Variants in ARHGAP39 observed in about 807,000 individuals in gnomAD.
ARHGAP39 encodes the protein Rho GTPase activating protein 39.
A neutral mutation model predicts 106.9 loss-of-function variants in ARHGAP39; 44 were observed. That is an observed-to-expected ratio of 0.41 (90% CI 0.32 to 0.53). The LOEUF is 0.53. Among genes scored for constraint, ARHGAP39 ranks in the 20% least tolerant of loss-of-function variants. The pLI is 0.21. For synonymous variants in ARHGAP39, 768 were observed against 693.2 expected, an observed-to-expected ratio of 1.11 and a Z score of -1.69; for missense variants, 1,496 against 1,577.3, an observed-to-expected ratio of 0.95 and a Z score of 0.87.
chr8:144,602,055 G>C, intron 2 of ARHGAP39, among the ~76,000 whole-genome samples: 1 of 144,596 alleles, frequency 6.9e-6, no homozygotes, highest in African/African-American at 2.6e-5. Flanking sequence ...GTGCGTGGAG[G>C]CATGCGTGCG....
chr8:144,696,118 A>G, the ARHGAP39 span, among the ~76,000 whole-genome samples: 1 of 152,104 alleles, frequency 6.6e-6, no homozygotes, highest in Admixed American at 6.6e-5. Flanking sequence ...GCTCTGCCGC[A>G]TGTCTTCATA....
At chr8:144,633,262 T>A (rs1437700141) in intron 1 of ARHGAP39, among the ~76,000 whole-genome samples, 1 of 152,008 alleles carries the variant, frequency 6.6e-6, no homozygotes, top group Non-Finnish European at 1.5e-5. Flanking sequence ...ATTGGGACCA[T>A]CCTGGCCAAC....
chr8:144,531,020 G>A, intron 10 of ARHGAP39, 149 bp from the exon 11 acceptor site: 2 of 1,097,114 alleles, frequency 1.8e-6, no homozygotes. Flanking sequence ...TGGCCAGGCT[G>A]GGCCCTGACC....
intron 6 of ARHGAP39, among the ~76,000 whole-genome samples, chr8:144,541,299 C>T (rs924278230): frequency 2.6e-5 from 4 of 152,216 alleles, no homozygotes; most frequent in African/African-American, 4.8e-5. Context: ...CAGGATTTAC[C>T]GTTTGTGGTC....
At chr8:144,676,376 G>C (rs1172484756) in intron 1 of ARHGAP39, among the ~76,000 whole-genome samples, 1 of 152,116 alleles carries the variant, frequency 6.6e-6, no homozygotes, top group African/African-American at 2.4e-5. Context: ...GCTAGACACA[G>C]AGCACTGATT....
chr8:144,671,449 TCC>T lies in ARHGAP39; in HGVS notation c.-82+14235_-82+14236del, dbSNP rs978876281. 2.6e-5 allele frequency among the ~76,000 whole-genome samples: 4 copies of T among 152,114 alleles called. No individual in the cohort carries two copies. Among genetic ancestry groups the T allele is most frequent in the African/African-American group, 9.7e-5 (4 of 41,418 alleles). ...AGGTGGGGCTCAAGCTGAGAAGTGC[TCC>T]CCTTCAGGAGACAGTGTCACTCTAC... is the stretch of plus-strand genomic sequence containing the variant. On this transcript the variant is annotated intron_variant, in intron 1 of 11. Transcript: ENST00000377307. The surrounding 1 kb of genome is among the most constrained non-coding windows in gnomAD (Gnocchi z 4.5).
intron 1 of ARHGAP39, among the ~76,000 whole-genome samples, chr8:144,608,106 G>T (rs761455272): frequency 6.8e-6 from 1 of 147,748 alleles, no homozygotes; most frequent in Non-Finnish European, 1.5e-5. Flanking sequence ...GCAGTGAGCC[G>T]GGATCGTGCC....
At chr8:144,544,176 G>T (rs779585289) in intron 6 of ARHGAP39, among the ~76,000 whole-genome samples, 3 of 152,248 alleles carry the variant, frequency 2.0e-5, no homozygotes, top group Non-Finnish European at 2.9e-5. Flanking sequence ...GTGTTGAAAA[G>T]TCGGGTGAAA....
chr8:144,631,156 G>T (rs1282540545), intron 1 of ARHGAP39, among the ~76,000 whole-genome samples: 12 of 152,178 alleles, frequency 7.9e-5, no homozygotes, highest in Admixed American at 6.5e-4. Context: ...TCGCCAAGGG[G>T]GTGGGCCAAG....
chr8:144,532,240 AG>A lies in ARHGAP39; in HGVS notation c.2980+64del, dbSNP rs1320180742. The A allele has an allele frequency of 5.5e-6, 8 of 1,450,732 alleles. No individual in the cohort carries two copies. In the South Asian group the frequency reaches 8.1e-5, roughly 15 times the overall value. 89.9% of individuals were successfully genotyped at this position (1,450,732 alleles called of 1,614,324 possible). A position where few individuals can be genotyped will look rare whatever the true frequency, so the allele number is the denominator to read the frequency against. ...CAGGGTGGACCCCAGAGGCGGAGAC[AG>A]GGGCCCCTGAGAACCACTGCCTGAG... On this transcript the variant is annotated intron_variant, in intron 10 of 11. Transcript: ENST00000377307.
At position 144,547,046 on chromosome 8, in the gene ARHGAP39, T is replaced by C. The variant is rs1463407450; in HGVS notation, c.1959+81A>G. The C allele has an allele frequency of 1.4e-6, 2 of 1,440,508 alleles. No homozygotes were observed. The highest frequency in any genetic ancestry group is 9.2e-7 in the Non-Finnish European group (1 of 1,089,346). The allele number at this position is 1,440,508 out of a possible 1,614,324, so 89.2% of individuals were successfully genotyped here. On this transcript the variant is annotated intron_variant, in intron 5 of 11. Coordinates refer to ENST00000377307, the MANE Select transcript of ARHGAP39 (RefSeq NM_025251.3). This position sits in a 1 kb window ranked among gnomAD's most constrained non-coding sequence, Gnocchi z 5.2. ...GCGTGCACGCCCTGGACGCCAGGTC[T>C]CCTGTGCCTGGCCCACGGGGTCCAC...
chr8:144,602,516 G>A (rs368410504), intron 2 of ARHGAP39, among the ~76,000 whole-genome samples: 10 of 139,732 alleles, frequency 7.2e-5, no homozygotes, highest in African/African-American at 1.1e-4. Context: ...ACATGGAGGC[G>A]TGCATGTGTG....
intron 3 of ARHGAP39, among the ~76,000 whole-genome samples, chr8:144,577,147 G>T (rs567534201): frequency 2.0e-5 from 3 of 152,294 alleles, no homozygotes; most frequent in African/African-American, 7.2e-5. Context: ...GCCTGCTCTG[G>T]TGTGTGTTTA....
chr8:144,578,437 C>T (rs377594803), intron 3 of ARHGAP39, among the ~76,000 whole-genome samples: 264 of 152,302 alleles, frequency 1.7e-3, no homozygotes, highest in African/African-American at 5.8e-3. Context: ...CCACGTTGGA[C>T]AAGCTGGTCT....
intron 10 of ARHGAP39, 117 bp from the exon 11 acceptor site, chr8:144,530,988 C>G: frequency 7.6e-7 from 1 of 1,308,032 alleles, no homozygotes; most frequent in Non-Finnish European, 1.0e-6. Context: ...GGAGGGCCGG[C>G]TCATTCTGGA....
intron 1 of ARHGAP39, among the ~76,000 whole-genome samples, chr8:144,669,536 T>C (rs1367652260): frequency 3.0e-5 from 4 of 134,916 alleles, no homozygotes; most frequent in Non-Finnish European, 6.1e-5. Flanking sequence ...AAGATAAAAA[T>C]TCCAAGGCCT....
chr8:144,674,677 C>A (rs1822185688), intron 1 of ARHGAP39, among the ~76,000 whole-genome samples: 1 of 152,224 alleles, frequency 6.6e-6, no homozygotes, highest in Non-Finnish European at 1.5e-5. Flanking sequence ...AACCTGCCGT[C>A]CATGGTGCCC....
At chr8:144,567,154 G>A (rs1818425960) in intron 3 of ARHGAP39, among the ~76,000 whole-genome samples, 1 of 152,140 alleles carries the variant, frequency 6.6e-6, no homozygotes, top group Non-Finnish European at 1.5e-5. Context: ...AGTTATACCA[G>A]ATATAGATCT....
rs1449490651 is a variant in ARHGAP39, at chr8:144,607,200, C to T, written c.-81-1505G>A. On this transcript the variant is annotated intron_variant, in intron 1 of 11. Transcript: ENST00000377307. Reference sequence around the variant, plus strand: ...AAGAGGAGGGAGGATCCCGCCACTGCGCTCCAGCCTGGGCGACAGAGCGAG... The same window carrying T: ...AAGAGGAGGGAGGATCCCGCCACTGTGCTCCAGCCTGGGCGACAGAGCGAG... Among the ~76,000 whole-genome samples, 4 of 145,460 alleles carry T rather than the reference C, an allele frequency of 2.7e-5. No homozygotes were observed. The East Asian group carries it at 8.2e-4, about 30-fold the overall frequency.
Sources: gnomAD v4.1 joint callset for allele counts (sites outside exome capture counted in the v4.1 genomes callset) on GRCh38, gnomAD v4.1.1 for gene constraint, Gnocchi (gnomAD v3.1) non-coding constraint, MANE v1.5 for transcripts, NCBI Gene and HGNC (gene_info 2026-07-23, HGNC 2026-07-21) for gene names.